Variants in PLCG1 observed in about 807,000 individuals in gnomAD.
PLCG1 encodes the protein phospholipase C gamma 1.
Under a neutral mutation model 177.8 loss-of-function variants are expected in PLCG1, and 71 were observed. That is an observed-to-expected ratio of 0.40 (90% CI 0.33 to 0.49). PLCG1 has a LOEUF of 0.49. PLCG1 is among the 20% of genes least tolerant of loss of function. The pLI is 0.72. For synonymous variants in PLCG1, 658 were observed against 647.9 expected, an observed-to-expected ratio of 1.02 and a Z score of -0.24; for missense variants, 1,281 against 1,709.0, an observed-to-expected ratio of 0.75 and a Z score of 4.42.
chr20:41,173,615 C>T lies in PLCG1; in HGVS notation c.3395-37C>T. The T allele has an allele frequency of 6.2e-7, 1 of 1,614,150 alleles. No individual in the cohort carries two copies. Among genetic ancestry groups the T allele is most frequent in the Non-Finnish European group, 8.5e-7 (1 of 1,180,008 alleles). On this transcript the variant is annotated intron_variant, in intron 28 of 31. Transcript: ENST00000685551. The surrounding 1 kb of genome is among the most constrained non-coding windows in gnomAD (Gnocchi z 6.2). ...CCCCACCAGTCATCCCATCCTCTCC[C>T]ACGGTGACCTGAAGCCTTTTGTCGT...
chr20:41,149,969 G>A (rs1446081073), intron 1 of PLCG1, among the ~76,000 whole-genome samples: 1 of 152,178 alleles, frequency 6.6e-6, no homozygotes, highest in African/African-American at 2.4e-5. Context: ...CAAGACTGGC[G>A]AGTCATTTGA....
rs1052534553 is a variant in PLCG1 at position 41,147,019 on chromosome 20, G to T, written c.217+9161G>T. Among the ~76,000 whole-genome samples the T allele has an allele frequency of 2.6e-5, 4 of 152,168 alleles. No homozygotes were observed. In the East Asian group the frequency reaches 7.7e-4, roughly 29 times the overall value. ...CTCAGTTGGGAGGTTGGGCAGCGAT[G>T]GGGGCAGGGGTGATGGTCCTTCTCT... On this transcript the variant is annotated intron_variant, in intron 1 of 31. Transcript: ENST00000685551. This position sits in a 1 kb window ranked among gnomAD's most constrained non-coding sequence, Gnocchi z 4.0.
Position 41,164,009 on chromosome 20 carries a change from G to A in PLCG1, c.1096+3G>A. The A allele has an allele frequency of 6.2e-7, 1 of 1,614,200 alleles. No individual in the cohort carries two copies. On this transcript the variant is annotated splice_donor_region_variant and intron_variant, in intron 11 of 31. Coordinates refer to ENST00000685551, the MANE Select transcript of PLCG1 (RefSeq NM_002660.3). The surrounding 1 kb of genome is among the most constrained non-coding windows in gnomAD (Gnocchi z 6.4). ...GATGGGCTGTCGCTGCATTGAGTGT[G>A]CGTGGGGTCCAGGGCTGGGGGAGGG...
rs577971873 is a variant in PLCG1 at position 41,176,247 on chromosome 20, CTGA to C, written c.*1743_*1745del. The C allele has an allele frequency of 6.7e-6, 1 of 149,606 alleles. No individual in the cohort carries two copies. Among genetic ancestry groups the C allele is most frequent in the African/African-American group, 2.4e-5 (1 of 41,178 alleles). The allele number at this position is 149,606 out of a possible 1,614,324, so 9.3% of individuals were successfully genotyped here. On this transcript the variant is annotated 3_prime_UTR_variant, in exon 32 of 32. Transcript: ENST00000685551. ...GATCCGGTTCCGTGGATGACATGAA[CTGA>C]TGATAGCCAGTATCAAACAGCGATA... is the stretch of plus-strand genomic sequence containing the variant.
intron 1 of PLCG1, among the ~76,000 whole-genome samples, chr20:41,142,332 A>G (rs1016861747): frequency 2.6e-5 from 4 of 152,236 alleles, no homozygotes; most frequent in African/African-American, 4.8e-5. Context: ...GGAGACAGCT[A>G]TAGCCCTAGT....
rs1034361409 is a variant in PLCG1 at position 41,169,296 on chromosome 20, G to A, written c.2580+121G>A. The A allele has an allele frequency of 7.6e-5, 72 of 951,484 alleles. No individual in the cohort carries two copies. In the East Asian group the frequency reaches 1.1e-3, roughly 15 times the overall value. 58.9% of individuals were successfully genotyped at this position (951,484 alleles called of 1,614,324 possible). A position where few individuals can be genotyped will look rare whatever the true frequency, so the allele number is the denominator to read the frequency against. ...CAGACACCTGTCACATGGGCTGGTCGCACAGCCCATGTGGCCATGCACGTA... is the reference window on the plus strand; with the variant it reads ...CAGACACCTGTCACATGGGCTGGTCACACAGCCCATGTGGCCATGCACGTA... On this transcript the variant is annotated intron_variant, in intron 22 of 31. Transcript: ENST00000685551.
rs984717923 is a variant in PLCG1 at position 41,153,314 on chromosome 20, T to A, written c.218-6292T>A. 1.3e-5 allele frequency among the ~76,000 whole-genome samples: 2 copies of A among 152,214 alleles called. No homozygotes were observed. The highest frequency in any genetic ancestry group is 4.8e-5 in the African/African-American group (2 of 41,446). ...TTTTAGAGAAAGGATCTCGCTTTGT[T>A]GGCCAGGCTGGAGTACAGTACTGTG... On this transcript the variant is annotated intron_variant, in intron 1 of 31. Coordinates refer to ENST00000685551, the MANE Select transcript of PLCG1 (RefSeq NM_002660.3). The surrounding 1 kb of genome is among the most constrained non-coding windows in gnomAD (Gnocchi z 5.1).
chr20:41,145,978 C>T (rs1376453969), intron 1 of PLCG1, among the ~76,000 whole-genome samples: 7 of 152,096 alleles, frequency 4.6e-5, no homozygotes, highest in Non-Finnish European at 1.0e-4. Context: ...CACTCTTTAC[C>T]TCCTAGGAAC....
intron 1 of PLCG1, among the ~76,000 whole-genome samples, chr20:41,138,242 A>C (rs945118393): frequency 6.6e-6 from 1 of 151,562 alleles, no homozygotes; most frequent in African/African-American, 2.4e-5. Flanking sequence ...CTGGGGCCTG[A>C]CCAGACGGTC....
chr20:41,168,073 T>C lies in PLCG1; in HGVS notation c.2379+144T>C, dbSNP rs55698162. On this transcript the variant is annotated intron_variant, in intron 20 of 31. Transcript: ENST00000685551. The stretch of plus-strand genomic sequence containing the variant: ...GAGGCCCAAGAGGTTGTGAGAGATG[T>C]GTGGTTGGTGAGCGACCGCAGGTCT... 6.9e-3 allele frequency: 4,609 copies of C among 669,976 alleles called. 41 individuals carry two copies. Among genetic ancestry groups the C allele is most frequent in the South Asian group, 0.02 (1,179 of 58,080 alleles). The allele number at this position is 669,976 out of a possible 1,614,324, so 41.5% of individuals were successfully genotyped here.
Position 41,162,442 on chromosome 20 carries a change from G to A in PLCG1, c.513-10G>A, listed in dbSNP as rs1304757500. 3 of 1,611,386 alleles carry A rather than the reference G, an allele frequency of 1.9e-6. No individual in the cohort carries two copies. The East Asian group carries it at 6.7e-5, about 36-fold the overall frequency. On this transcript the variant is annotated splice_polypyrimidine_tract_variant and intron_variant, in intron 4 of 31. Coordinates refer to ENST00000685551, the MANE Select transcript of PLCG1 (RefSeq NM_002660.3). ...GGATGAGACCACTGGGGATGTCCCTGTTTTCTCAGTATATCAGCCAAGGAC... is the reference window on the plus strand; with the variant it reads ...GGATGAGACCACTGGGGATGTCCCTATTTTCTCAGTATATCAGCCAAGGAC...
intron 20 of PLCG1, among the ~76,000 whole-genome samples, chr20:41,168,257 C>T (rs1482932770): frequency 6.6e-6 from 1 of 152,204 alleles, no homozygotes; most frequent in Admixed American, 6.5e-5. Context: ...AGCCCTGTTA[C>T]ACAGGTTCTT....
At position 41,174,258 on chromosome 20, in the gene PLCG1, C is replaced by A; in HGVS notation, c.3780C>A (p.Asp1260Glu). 6.2e-7 allele frequency: 1 copy of A among 1,614,224 alleles called. No individual in the cohort carries two copies. Among genetic ancestry groups the A allele is most frequent in the Non-Finnish European group, 8.5e-7 (1 of 1,180,056 alleles). Reference sequence around the variant, plus strand: ...CCCGCTACCAGCAGCCGTTTGAGGACTTCCGCATCTCCCAGGAGCATCTCG... The same window carrying A: ...CCCGCTACCAGCAGCCGTTTGAGGAATTCCGCATCTCCCAGGAGCATCTCG... ...FESRYQQPFE[D>E]FRISQEHLAD... The change falls in exon 31 of 32, where the codon GAC becomes GAA. Residue 1260 changes from aspartate (D) to glutamate (E), a missense_variant. Physicochemically the swap from Asp to Glu is conservative, Grantham distance 45. This residue lies in a region of PLCG1 where 153 missense variants were observed against 153.2 expected (regional missense o/e 1.00). Coordinates refer to ENST00000685551, the MANE Select transcript of PLCG1 (RefSeq NM_002660.3). The surrounding 1 kb of genome is among the most constrained non-coding windows in gnomAD (Gnocchi z 5.8).
At position 41,162,986 on chromosome 20, in the gene PLCG1, C is replaced by T. The variant is rs1354468635; in HGVS notation, c.710C>T (p.Thr237Ile). 1 of 1,613,896 alleles carries T rather than the reference C, an allele frequency of 6.2e-7. No homozygotes were observed. The highest frequency in any genetic ancestry group is 1.3e-5 in the African/African-American group (1 of 74,908). The change falls in exon 7 of 32, where the codon ACT (threonine) becomes ATT (isoleucine). Residue 237 changes from threonine to isoleucine, a missense_variant. Transcript: ENST00000685551. ...TMDLPFLEAS[T>I]LRAGERPELC... ...GACCTCCCCTTCTTGGAAGCCAGTA[C>T]TCTGAGGTTTGGTTTGGAGTGGGGA...
In PLCG1 at chr20:41,169,524, T is replaced by G; in HGVS notation, c.2648T>G (p.Ile883Ser). The change falls in exon 23 of 32, where the codon ATT (isoleucine) becomes AGT (serine). Residue 883 changes from isoleucine to serine, a missense_variant and splice_region_variant. By Grantham distance (142) the Ile-to-Ser change is moderately radical. Coordinates refer to ENST00000685551, the MANE Select transcript of PLCG1 (RefSeq NM_002660.3). ...GTCTTGGATGTGCCGGCTTGTCAGA[T>G]TGGTGAGCTCCCATCTGTTTCTCTT... ...RGVLDVPACQ[I>S]AIRPEGKNNR... is the part of the protein sequence containing the mutation. 1 of 1,611,612 alleles carries G rather than the reference T, an allele frequency of 6.2e-7. No individual in the cohort carries two copies. Among genetic ancestry groups the G allele is most frequent in the Non-Finnish European group, 8.5e-7 (1 of 1,177,844 alleles).
At chr20:41,140,735 G>A (rs192778969) in intron 1 of PLCG1, among the ~76,000 whole-genome samples, 3 of 152,338 alleles carry the variant, frequency 2.0e-5, no homozygotes, top group East Asian at 3.9e-4. Context: ...CAGGAACCAG[G>A]TTGGTGTTTG....
Position 41,164,273 on chromosome 20 carries a change from G to A in PLCG1, c.1217+72G>A. On this transcript the variant is annotated intron_variant, in intron 12 of 31. Coordinates refer to ENST00000685551, the MANE Select transcript of PLCG1 (RefSeq NM_002660.3). This position sits in a 1 kb window ranked among gnomAD's most constrained non-coding sequence, Gnocchi z 6.4. The stretch of plus-strand genomic sequence containing the variant: ...TCTCGTTCTAGAGGGACAGAGGGCA[G>A]AAAGACTCCTCAAATGCCCTGTCCC... The A allele has an allele frequency of 6.7e-7, 1 of 1,493,694 alleles. No homozygotes were observed. Among genetic ancestry groups the A allele is most frequent in the Non-Finnish European group, 9.3e-7 (1 of 1,077,140 alleles). 92.5% of individuals were successfully genotyped at this position (1,493,694 alleles called of 1,614,324 possible).
intron 6 of PLCG1, 80 bp from the exon 7 acceptor site, chr20:41,162,878 C>A: frequency 7.0e-7 from 1 of 1,430,146 alleles, no homozygotes; most frequent in Non-Finnish European, 9.9e-7. Context: ...CCATCTGCTG[C>A]TCTAGCCTGC....
chr20:41,142,741 A>G (rs181567526), intron 1 of PLCG1, among the ~76,000 whole-genome samples: 3 of 152,320 alleles, frequency 2.0e-5, no homozygotes, highest in Admixed American at 2.0e-4. Context: ...GGATAGTATT[A>G]AATGGCATTT....
Sources: allele counts gnomAD v4.1 joint callset (sites outside exome capture counted in the v4.1 genomes callset), GRCh38; gene constraint gnomAD v4.1.1; regional missense constraint gnomAD v4.1.1; non-coding constraint Gnocchi (gnomAD v3.1); transcripts MANE v1.5; gene names NCBI Gene and HGNC (gene_info 2026-07-23, HGNC 2026-07-21).